The following CASTOR2 variants were observed in gnomAD, a reference collection of about 807,000 sequenced individuals.
CASTOR2 encodes GATS protein like 2.
In CASTOR2, 8 loss-of-function variants were observed where a neutral mutation model predicts 31.2. The ratio of observed to expected loss-of-function variants is 0.26; its 90% CI spans 0.15 to 0.46. CASTOR2 has a LOEUF of 0.46. Among genes scored for constraint, CASTOR2 ranks in the 20% least tolerant of loss-of-function variants. The pLI is 0.99. For synonymous variants in CASTOR2, 162 were observed against 158.7 expected (o/e 1.02, Z -0.16); for missense variants, 216 against 382.1 (o/e 0.57, Z 3.62).
At chr7:75,017,915 G>A (rs1467568228) in intron 3 of CASTOR2, 75 bp from the exon 4 acceptor site, 29 of 1,613,728 alleles carry the variant, frequency 1.8e-5, no homozygotes, top group Non-Finnish European at 2.4e-5. Flanking sequence ...AGAGTCTCAG[G>A]GTGAGAGGTC....
chr7:75,020,214 G>A (rs1280462152), intron 6 of CASTOR2, 65 bp downstream of exon 6: 3 of 1,373,420 alleles, frequency 2.2e-6, no homozygotes, highest in Non-Finnish European at 3.0e-6. Flanking sequence ...GGGACTATGT[G>A]ATGGCACATC....
At chr7:74,996,501 C>T (rs1407456215) in intron 1 of CASTOR2, among the ~76,000 whole-genome samples, 5 of 151,230 alleles carry the variant, frequency 3.3e-5, no homozygotes, top group African/African-American at 7.3e-5. Context: ...CCATTGTGGT[C>T]TTCAGCATGT....
In CASTOR2 at chr7:75,026,198, T is replaced by TTTTTTTGTTTTTG. The variant is rs2131961096; in HGVS notation, c.*1505_*1506insGTTTTTGTTTTTT. Among the ~76,000 whole-genome samples the TTTTTTTGTTTTTG allele has an allele frequency of 6.8e-6, 1 of 146,648 alleles. No homozygotes were observed. Among genetic ancestry groups the TTTTTTTGTTTTTG allele is most frequent in the African/African-American group, 2.5e-5 (1 of 39,856 alleles). The stretch of plus-strand genomic sequence containing the variant: ...TTTGGCTCTGGCGGGGGTTTTTTTT[T>TTTTTTTGTTTTTG]TTTTTTTTGAGATGGGAGTCTGGCT... On this transcript the variant is annotated 3_prime_UTR_variant, in exon 9 of 9. Transcript: ENST00000616305.
rs1485158199 is a variant in CASTOR2 at position 75,031,472 on chromosome 7, A to C, written c.*6773A>C. ...AAAAAAAATTACCTAATGTTCCCCC[A>C]AAAAAGACAGTATATTTTGTACTTT... is the stretch of plus-strand genomic sequence containing the variant. On this transcript the variant is annotated 3_prime_UTR_variant, in exon 9 of 9. Transcript: ENST00000616305. Among the ~76,000 whole-genome samples the C allele has an allele frequency of 3.9e-5, 6 of 152,162 alleles. No homozygotes were observed. Among genetic ancestry groups the C allele is most frequent in the African/African-American group, 1.2e-4 (5 of 41,522 alleles).
chr7:75,019,163 C>G, intron 5 of CASTOR2, 68 bp downstream of exon 5: 3 of 1,550,790 alleles, frequency 1.9e-6, no homozygotes, highest in Non-Finnish European at 2.6e-6. Context: ...GCCTAGGAGT[C>G]TTAGTCTGAC....
At position 75,011,334 on chromosome 7, in the gene CASTOR2, A is replaced by G. The variant is rs1468145282; in HGVS notation, c.184+3270A>G. Among the ~76,000 whole-genome samples, 17 of 151,538 alleles carry G rather than the reference A, an allele frequency of 1.1e-4. No homozygotes were observed. In the South Asian group the frequency reaches 3.3e-3, roughly 30 times the overall value. ...GCTCCAGCTACTCAGGAGGCTGAGG[A>G]AGGAGAATCACCTGAACCCACGAGG... On this transcript the variant is annotated intron_variant, in intron 2 of 8. Coordinates refer to ENST00000616305, the MANE Select transcript of CASTOR2 (RefSeq NM_001145064.3).
At chr7:75,003,808 C>T (rs1177541939) in intron 1 of CASTOR2, among the ~76,000 whole-genome samples, 3 of 151,976 alleles carry the variant, frequency 2.0e-5, no homozygotes, top group African/African-American at 7.2e-5. Context: ...AGTCTGGGGG[C>T]TGACTCCTGA....
chr7:74,989,805 A>C (rs1285938432), intron 1 of CASTOR2, among the ~76,000 whole-genome samples: 6 of 152,120 alleles, frequency 3.9e-5, no homozygotes, highest in Non-Finnish European at 8.8e-5. Flanking sequence ...GAAGCACAAA[A>C]CAGACACAGT....
intron 2 of CASTOR2, among the ~76,000 whole-genome samples, chr7:75,013,587 G>A (rs1297773120): frequency 6.6e-6 from 1 of 152,058 alleles, no homozygotes; most frequent in African/African-American, 2.4e-5. Context: ...AGGCTGCAGT[G>A]AGCCATGATT....
chr7:74,998,825 C>T (rs1804419872), intron 1 of CASTOR2, among the ~76,000 whole-genome samples: 1 of 151,954 alleles, frequency 6.6e-6, no homozygotes, highest in Non-Finnish European at 1.5e-5. Context: ...GGAGGGGAGC[C>T]TGGGTTCCTG....
intron 1 of CASTOR2, among the ~76,000 whole-genome samples, chr7:75,000,722 A>G (rs1164046419): frequency 6.6e-6 from 1 of 152,048 alleles, no homozygotes; most frequent in African/African-American, 2.4e-5. Context: ...CAGTGGCACA[A>G]TCTCGACTCA....
chr7:74,992,587 A>G (rs1175467973), intron 1 of CASTOR2, among the ~76,000 whole-genome samples: 3 of 152,070 alleles, frequency 2.0e-5, no homozygotes, highest in African/African-American at 4.8e-5. Context: ...CTACAGGTGC[A>G]GGCCACCATG....
In CASTOR2 at chr7:75,027,710, G is replaced by A. The variant is rs903034536; in HGVS notation, c.*3011G>A. On this transcript the variant is annotated 3_prime_UTR_variant, in exon 9 of 9. Transcript: ENST00000616305. Reference sequence around the variant, plus strand: ...CGCTCCGTGGGAGCTGCCCCCTGGGGACCCTGCTCCTCGGTCACAGGGGGC... The same window carrying A: ...CGCTCCGTGGGAGCTGCCCCCTGGGAACCCTGCTCCTCGGTCACAGGGGGC... 7.7e-6 allele frequency: 3 copies of A among 390,354 alleles called. No homozygotes were observed. Among genetic ancestry groups the A allele is most frequent in the Non-Finnish European group, 1.4e-5 (3 of 209,772 alleles). 24.2% of individuals were successfully genotyped at this position (390,354 alleles called of 1,614,324 possible).
At chr7:75,020,987 T>A (rs964851418) in intron 6 of CASTOR2, among the ~76,000 whole-genome samples, 14 of 151,810 alleles carry the variant, frequency 9.2e-5, no homozygotes, top group African/African-American at 2.2e-4. Flanking sequence ...ATTTTATTTT[T>A]TTTTAATATT....
At chr7:75,008,956 G>A (rs1347375984) in intron 2 of CASTOR2, among the ~76,000 whole-genome samples, 1 of 151,984 alleles carries the variant, frequency 6.6e-6, no homozygotes, top group Non-Finnish European at 1.5e-5. Context: ...ATGAGAACCT[G>A]TTTTTTGTTT....
At chr7:74,975,104 G>T (rs1803770991) in intron 1 of CASTOR2, among the ~76,000 whole-genome samples, 1 of 151,006 alleles carries the variant, frequency 6.6e-6, no homozygotes, top group Non-Finnish European at 1.5e-5. Context: ...GAGTAGCTGG[G>T]GTTACAAGTA....
intron 1 of CASTOR2, among the ~76,000 whole-genome samples, chr7:74,984,981 A>G (rs1804029980): frequency 1.3e-5 from 2 of 152,108 alleles, no homozygotes; most frequent in African/African-American, 4.8e-5. Flanking sequence ...TACTAAAAAT[A>G]CAAAAATTAG....
chr7:74,998,459 G>C (rs1212649165), intron 1 of CASTOR2, among the ~76,000 whole-genome samples: 2 of 151,974 alleles, frequency 1.3e-5, no homozygotes, highest in African/African-American at 4.8e-5. Flanking sequence ...CAAAATTAGC[G>C]GGGCATGGTG....
intron 7 of CASTOR2, 58 bp from the exon 8 acceptor site, chr7:75,024,382 C>G: frequency 3.3e-6 from 5 of 1,528,770 alleles, no homozygotes; most frequent in Non-Finnish European, 4.4e-6. Flanking sequence ...GCTGAAGAGC[C>G]ACACAGGCAA....
Sources: gnomAD v4.1 joint callset for allele counts (sites outside exome capture counted in the v4.1 genomes callset) on GRCh38, gnomAD v4.1.1 for gene constraint, MANE v1.5 for transcripts, NCBI Gene and HGNC (gene_info 2026-07-23, HGNC 2026-07-21) for gene names.